The following CMSS1 variants were observed in gnomAD, a reference collection of about 807,000 sequenced individuals.
CMSS1 encodes protein CMSS1.
Under a neutral mutation model 43.5 loss-of-function variants are expected in CMSS1, and 33 were observed. The ratio of observed to expected loss-of-function variants is 0.76; its 90% CI spans 0.57 to 1.01. The LOEUF (loss-of-function observed/expected upper bound fraction) is 1.01, where lower values mean the gene tolerates loss of function less well. Among genes scored for constraint, CMSS1 ranks in the 50% least tolerant of loss-of-function variants. The pLI is 0.00. For synonymous variants in CMSS1, 115 were observed against 117.2 expected (o/e 0.98, Z 0.12); for missense variants, 313 against 326.4 (o/e 0.96, Z 0.32).
intron 1 of CMSS1, among the ~76,000 whole-genome samples, chr3:100,079,078 G>C (rs572667289): frequency 1.3e-5 from 2 of 152,244 alleles, no homozygotes; most frequent in South Asian, 4.1e-4. Flanking sequence ...ATAGCATTCA[G>C]CTGAGGCTGA....
chr3:100,086,896 T>G (rs2066018594), intron 1 of CMSS1, among the ~76,000 whole-genome samples: 1 of 152,188 alleles, frequency 6.6e-6, no homozygotes, highest in African/African-American at 2.4e-5. Flanking sequence ...TAGTAACTAC[T>G]GATTTTTTTT....
At chr3:100,115,671 G>C (rs2066560468) in intron 1 of CMSS1, among the ~76,000 whole-genome samples, 1 of 116,482 alleles carries the variant, frequency 8.6e-6, no homozygotes, top group South Asian at 3.0e-4. Context: ...AGTTTATTTT[G>C]GTGTGTGTAT....
chr3:99,910,779 A>C (rs1706762581), intron 1 of CMSS1, among the ~76,000 whole-genome samples: 1 of 83,538 alleles, frequency 1.2e-5, no homozygotes, highest in African/African-American at 3.1e-5. Flanking sequence ...GATAACTAGA[A>C]TATTTATGCC....
chr3:99,862,385 A>G (rs1043184458), intron 1 of CMSS1, among the ~76,000 whole-genome samples: 5 of 152,222 alleles, frequency 3.3e-5, no homozygotes, highest in African/African-American at 4.8e-5. Context: ...ATATGACTAC[A>G]TAATGTTTAT....
At chr3:99,899,257 C>A (rs947083877) in intron 1 of CMSS1, among the ~76,000 whole-genome samples, 17 of 152,142 alleles carry the variant, frequency 1.1e-4, no homozygotes, top group Non-Finnish European at 2.2e-4. Flanking sequence ...TTGAACAGGA[C>A]ACTTGGTTAT....
chr3:100,043,280 T>C (rs2065233434), intron 1 of CMSS1, among the ~76,000 whole-genome samples: 1 of 152,234 alleles, frequency 6.6e-6, no homozygotes, highest in Non-Finnish European at 1.5e-5. Flanking sequence ...CAGAAAATCA[T>C]GTCCAGTAAG....
chr3:100,057,197 C>T (rs1291270853), intron 1 of CMSS1, among the ~76,000 whole-genome samples: 1 of 152,164 alleles, frequency 6.6e-6, no homozygotes, highest in East Asian at 1.9e-4. Context: ...CTCTGCCCCT[C>T]CAGTGGACTA....
At chr3:99,878,200 T>C (rs1026666118) in intron 1 of CMSS1, among the ~76,000 whole-genome samples, 2 of 152,188 alleles carry the variant, frequency 1.3e-5, no homozygotes, top group African/African-American at 2.4e-5. Context: ...CCAAGTGAGG[T>C]CATAGTTATG....
At chr3:99,938,210 TC>T (rs1050953242) in intron 1 of CMSS1, among the ~76,000 whole-genome samples, 9 of 152,238 alleles carry the variant, frequency 5.9e-5, no homozygotes, top group Non-Finnish European at 1.0e-4. Flanking sequence ...TGATCTGCTA[TC>T]CCTCACCCCC....
At chr3:100,069,307 C>T (rs1559746906) in intron 1 of CMSS1, among the ~76,000 whole-genome samples, 1 of 151,634 alleles carries the variant, frequency 6.6e-6, no homozygotes, top group Admixed American at 6.6e-5. Flanking sequence ...GCATTATTAC[C>T]CCTCCTGCTT....
chr3:99,860,031 T>A (rs979006796), intron 1 of CMSS1, among the ~76,000 whole-genome samples: 1 of 152,224 alleles, frequency 6.6e-6, no homozygotes, highest in Non-Finnish European at 1.5e-5. Flanking sequence ...AGTAACACTT[T>A]TTTTGGCATC....
chr3:99,829,037 C>T (rs1559647581), intron 1 of CMSS1, among the ~76,000 whole-genome samples: 2 of 152,134 alleles, frequency 1.3e-5, no homozygotes, highest in East Asian at 3.9e-4. Context: ...GGTGTTTGTA[C>T]AGTGGCATTA....
At position 100,069,902 on chromosome 3, in the gene CMSS1, G is replaced by A. The variant is rs555366065; in HGVS notation, c.65-77071G>A. Among the ~76,000 whole-genome samples, 25 of 152,070 alleles carry A rather than the reference G, an allele frequency of 1.6e-4. 2 individuals carry two copies. The South Asian group carries it at 3.3e-3, about 20-fold the overall frequency. On this transcript the variant is annotated intron_variant, in intron 1 of 9. Transcript: ENST00000421999. ...CTCACACTATCCAGTTCATTTTGTT[G>A]GAAACTTAAAAAAAGAAAATCTGGT...
chr3:100,003,356 G>A (rs1471333306), intron 1 of CMSS1, among the ~76,000 whole-genome samples: 1 of 152,196 alleles, frequency 6.6e-6, no homozygotes, highest in Non-Finnish European at 1.5e-5. Flanking sequence ...GCCCAGCACT[G>A]TCAGGGTTTT....
At position 99,817,890 on chromosome 3, in the gene CMSS1, T is replaced by C. The variant is rs1942352077; in HGVS notation, c.-90T>C. ...GTCTAGCGGGAGCTCCGCGTGTAGCTACGCCGGCCGCCTGGCTTTGAGACA... is the reference window on the plus strand; with the variant it reads ...GTCTAGCGGGAGCTCCGCGTGTAGCCACGCCGGCCGCCTGGCTTTGAGACA... On this transcript the variant is annotated 5_prime_UTR_variant, in exon 1 of 10. Transcript: ENST00000421999. 5 of 1,395,414 alleles carry C rather than the reference T, an allele frequency of 3.6e-6. No homozygotes were observed. Among genetic ancestry groups the C allele is most frequent in the Non-Finnish European group, 5.0e-6 (5 of 994,068 alleles). 86.4% of individuals were successfully genotyped at this position (1,395,414 alleles called of 1,614,324 possible). A position where few individuals can be genotyped will look rare whatever the true frequency, so the allele number is the denominator to read the frequency against.
At chr3:100,142,079 G>A (rs977377963) in intron 1 of CMSS1, among the ~76,000 whole-genome samples, 5 of 152,190 alleles carry the variant, frequency 3.3e-5, no homozygotes, top group Non-Finnish European at 7.3e-5. Flanking sequence ...AATTTACAGT[G>A]ATATAAGATG....
intron 1 of CMSS1, among the ~76,000 whole-genome samples, chr3:100,018,818 G>A (rs1710420288): frequency 6.6e-6 from 1 of 150,952 alleles, no homozygotes; most frequent in South Asian, 2.1e-4. Context: ...ATCAGGTAAG[G>A]GGTTAATGTA....
At chr3:100,006,655 C>CAAA (rs201648197) in intron 1 of CMSS1, among the ~76,000 whole-genome samples, 1 of 134,032 alleles carries the variant, frequency 7.5e-6, no homozygotes, top group Non-Finnish European at 1.6e-5. Flanking sequence ...CTTTTCTTTC[C>CAAA]AAAAAAAAAA....
chr3:100,159,749 C>A, intron 2 of CMSS1: 1 of 261,298 alleles, frequency 3.8e-6, no homozygotes, highest in Non-Finnish European at 8.0e-6. Context: ...AGAAAAAAGC[C>A]CTCAGGGTAA....
Sources: allele counts gnomAD v4.1 joint callset (sites outside exome capture counted in the v4.1 genomes callset), GRCh38; gene constraint gnomAD v4.1.1; transcripts MANE v1.5; gene names NCBI Gene and HGNC (gene_info 2026-07-23, HGNC 2026-07-21).